Variants in SLC25A36 observed in about 807,000 individuals in gnomAD.
SLC25A36 encodes the protein solute carrier family 25 member 36.
SLC25A36 carries 24 observed loss-of-function variants against 35.3 expected under a neutral mutation model. The observed-to-expected ratio is 0.68, with a 90% confidence interval of 0.49 to 0.96. The LOEUF (loss-of-function observed/expected upper bound fraction) is 0.96. Ranked by LOEUF, SLC25A36 falls within the 40% of genes least tolerant of loss-of-function variation. SLC25A36 has a pLI of 0.00. For missense variants in SLC25A36, 294 were observed against 381.1 expected, an observed-to-expected ratio of 0.77 and a Z score of 1.90; for synonymous variants, 141 against 132.2, an observed-to-expected ratio of 1.07 and a Z score of -0.46.
intron 1 of SLC25A36, among the ~76,000 whole-genome samples, chr3:140,953,897 G>A (rs1391246425): frequency 6.6e-6 from 1 of 152,212 alleles, no homozygotes; most frequent in Non-Finnish European, 1.5e-5. Context: ...TTGAACCCAG[G>A]AGTTCAAGGC....
intron 3 of SLC25A36, among the ~76,000 whole-genome samples, chr3:140,960,169 A>C (rs77027448): frequency 0.027 from 4,170 of 152,176 alleles, 96 homozygotes; most frequent in Non-Finnish European, 0.039. Context: ...CTCTCATCTG[A>C]CCATAGGAGT....
At position 140,973,850 on chromosome 3, in the gene SLC25A36, T is replaced by C. The variant is rs1934969047; in HGVS notation, c.587T>C (p.Ile196Thr). Residue 196 changes from isoleucine to threonine, a missense_variant, in exon 6 of 7, where the codon ATT (isoleucine) becomes ACT (threonine). Physicochemically the swap from Ile to Thr is moderately conservative, Grantham distance 89. Coordinates refer to ENST00000324194, the MANE Select transcript of SLC25A36 (RefSeq NM_001104647.3). ...TCAGAGACTGTTATCCATTTTGTTA[T>C]TTATGAAAGTATAAAACAAAAACTA... The part of the protein sequence containing the change: ...GISETVIHFV[I>T]YESIKQKLLE... 1 of 1,613,442 alleles carries C rather than the reference T, an allele frequency of 6.2e-7. No homozygotes were observed. Among genetic ancestry groups the C allele is most frequent in the Non-Finnish European group, 8.5e-7 (1 of 1,179,742 alleles).
At chr3:140,948,881 T>C (rs1005589499) in intron 1 of SLC25A36, among the ~76,000 whole-genome samples, 2 of 152,224 alleles carry the variant, frequency 1.3e-5, no homozygotes, top group African/African-American at 4.8e-5. Context: ...TAGGGATTCA[T>C]GACTGGGTAT....
chr3:140,949,561 AAAT>A (rs1934263696), intron 1 of SLC25A36, among the ~76,000 whole-genome samples: 1 of 152,220 alleles, frequency 6.6e-6, no homozygotes, highest in African/African-American at 2.4e-5. Context: ...ATAAAACTTT[AAAT>A]GAGTGTCAAT....
rs72991059 is a variant in SLC25A36, at chr3:140,977,505, G to C, written c.*1052G>C. 1 of 152,296 alleles carries C rather than the reference G, an allele frequency of 6.6e-6. No homozygotes were observed. The highest frequency in any genetic ancestry group is 2.4e-5 in the African/African-American group (1 of 41,572). 9.4% of individuals were successfully genotyped at this position (152,296 alleles called of 1,614,324 possible). ...CTTGCTGTCTGCTTTAGCAGGTAGT[G>C]ACATTAATTGACTTATAGTTTTGTG... On this transcript the variant is annotated 3_prime_UTR_variant, in exon 7 of 7. Transcript: ENST00000324194.
At chr3:140,946,672 A>C (rs1934175202) in intron 1 of SLC25A36, among the ~76,000 whole-genome samples, 1 of 152,176 alleles carries the variant, frequency 6.6e-6, no homozygotes, top group Admixed American at 6.5e-5. Context: ...GAATAACTCC[A>C]GGGTTTTTAG....
intron 4 of SLC25A36, chr3:140,963,958 A>G (rs1934696656): frequency 1.3e-5 from 2 of 151,998 alleles, no homozygotes; most frequent in Admixed American, 6.5e-5. Flanking sequence ...GCTGCTATGC[A>G]TGTTAGACAA....
chr3:140,960,753 C>T (rs201291546), intron 3 of SLC25A36, among the ~76,000 whole-genome samples: 1 of 151,960 alleles, frequency 6.6e-6, no homozygotes, highest in Non-Finnish European at 1.5e-5. Context: ...GTGCAAAGGA[C>T]CACATAGTAA....
chr3:140,943,459 C>T (rs781634973), intron 1 of SLC25A36, among the ~76,000 whole-genome samples: 14 of 152,188 alleles, frequency 9.2e-5, no homozygotes, highest in Non-Finnish European at 1.8e-4. Context: ...AGGCAGTTTG[C>T]TTTCCATATT....
chr3:140,961,381 C>G (rs1934621716), intron 3 of SLC25A36, among the ~76,000 whole-genome samples: 1 of 151,978 alleles, frequency 6.6e-6, no homozygotes, highest in Non-Finnish European at 1.5e-5. Flanking sequence ...GTATAGCATT[C>G]TAGCACTAAT....
At chr3:140,970,494 T>C (rs1934873265) in intron 4 of SLC25A36, 1 of 152,584 alleles carries the variant, frequency 6.6e-6, no homozygotes, top group Non-Finnish European at 1.5e-5. Flanking sequence ...GTAGAATTCA[T>C]TTTGAATGTA....
chr3:140,973,721 G>T lies in SLC25A36; in HGVS notation c.458G>T (p.Arg153Leu), dbSNP rs563118041. 7.5e-6 allele frequency: 11 copies of T among 1,458,226 alleles called. No individual in the cohort carries two copies. The highest frequency in any genetic ancestry group is 3.3e-5 in the South Asian group (2 of 59,860). 90.3% of individuals were successfully genotyped at this position (1,458,226 alleles called of 1,614,324 possible). ...TGTTTCTTTTTGCTTTTCAGGAACC[G>T]CGGGGAAAGGCGAATGGGTGCTTTT... is the stretch of plus-strand genomic sequence containing the variant. ...KTRLQLDARN[R>L]GERRMGAFEC... The change falls in exon 6 of 7, where the codon CGC becomes CTC. Residue 153 changes from arginine (R) to leucine (L), a missense_variant. Physicochemically the swap from Arg to Leu is moderately radical, Grantham distance 102 (BLOSUM62 -2). This residue lies in a region of SLC25A36 where 185 missense variants were observed against 201.5 expected (regional missense o/e 0.92). Transcript: ENST00000324194.
In SLC25A36 at chr3:140,977,480, C is replaced by CT. The variant is rs1935078143; in HGVS notation, c.*1029dup. The CT allele has an allele frequency of 6.6e-6, 1 of 152,096 alleles. No individual in the cohort carries two copies. The highest frequency in any genetic ancestry group is 1.5e-5 in the Non-Finnish European group (1 of 67,974). The allele number at this position is 152,096 out of a possible 1,614,324, so 9.4% of individuals were successfully genotyped here. On this transcript the variant is annotated 3_prime_UTR_variant, in exon 7 of 7. Coordinates refer to ENST00000324194, the MANE Select transcript of SLC25A36 (RefSeq NM_001104647.3). ...TATAAATATTATAGACAAGGGCCCC[C>CT]TTGCTGTCTGCTTTAGCAGGTAGTG...
At chr3:140,973,092 T>C (rs1934947939) in intron 5 of SLC25A36, 1 of 148,234 alleles carries the variant, frequency 6.7e-6, no homozygotes, top group Admixed American at 6.7e-5. Context: ...TGAATAAATA[T>C]AACACTACAG....
In SLC25A36 at chr3:140,980,509, G is replaced by A. The variant is rs1935156230; in HGVS notation, c.*4056G>A. Among the ~76,000 whole-genome samples, 1 of 152,104 alleles carries A rather than the reference G, an allele frequency of 6.6e-6. No individual in the cohort carries two copies. Among genetic ancestry groups the A allele is most frequent in the South Asian group, 2.1e-4 (1 of 4,814 alleles). ...CTACTAATAGTACTCTGCACTGAAG[G>A]CACTGGCAAAATAATGGTTAAAATT... On this transcript the variant is annotated 3_prime_UTR_variant, in exon 7 of 7. Transcript: ENST00000324194.
rs528117970 is a variant in SLC25A36, at chr3:140,957,181, C to A, written c.206+490C>A. The A allele has an allele frequency of 3.3e-5, 5 of 152,248 alleles. No homozygotes were observed. In the South Asian group the frequency reaches 8.3e-4, roughly 25 times the overall value. The allele number at this position is 152,248 out of a possible 1,614,324, so 9.4% of individuals were successfully genotyped here. ...GGAAAAGATTTGTTTTTACAGTTTG[C>A]CATACTTCATTATGTTGCAATTGGA... On this transcript the variant is annotated intron_variant, in intron 2 of 6. Transcript: ENST00000324194.
chr3:140,975,504 T>G (rs968926034), intron 6 of SLC25A36, among the ~76,000 whole-genome samples: 1 of 152,104 alleles, frequency 6.6e-6, no homozygotes, highest in Admixed American at 6.6e-5. Context: ...TTAGACTATT[T>G]CCCTAGGCCC....
At chr3:140,945,539 G>C (rs544362936) in intron 1 of SLC25A36, among the ~76,000 whole-genome samples, 1 of 152,268 alleles carries the variant, frequency 6.6e-6, no homozygotes, top group Admixed American at 6.5e-5. Context: ...TTGTGGGTCA[G>C]GGATTCTCCT....
At position 140,959,548 on chromosome 3, in the gene SLC25A36, A is replaced by AG; in HGVS notation, c.284+8_284+9insG. 1.4e-6 allele frequency: 2 copies of AG among 1,424,090 alleles called. No individual in the cohort carries two copies. The highest frequency in any genetic ancestry group is 2.8e-5 in the East Asian group (1 of 35,452). 88.2% of individuals were successfully genotyped at this position (1,424,090 alleles called of 1,614,324 possible). A position where few individuals can be genotyped will look rare whatever the true frequency, so the allele number is the denominator to read the frequency against. Reference sequence around the variant, plus strand: ...GGGGGTAGCCCCTTCCAGGTAAAAAAAAAAAAAAATTGTTTAAAGCAAGTT... The same window carrying AG: ...GGGGGTAGCCCCTTCCAGGTAAAAAAGAAAAAAAAATTGTTTAAAGCAAGTT... On this transcript the variant is annotated intron_variant, in intron 3 of 6. Transcript: ENST00000324194.
Sources: gnomAD v4.1 joint callset for allele counts (sites outside exome capture counted in the v4.1 genomes callset) on GRCh38, gnomAD v4.1.1 for gene constraint, gnomAD v4.1.1 regional missense constraint, MANE v1.5 for transcripts, NCBI Gene and HGNC (gene_info 2026-07-23, HGNC 2026-07-21) for gene names.